Variants in DLG2 observed in about 807,000 individuals in gnomAD.
DLG2 encodes discs large MAGUK scaffold protein 2, also known as disks large homolog 2.
A neutral mutation model predicts 132.5 loss-of-function variants in DLG2; 45 were observed. The observed-to-expected ratio is 0.34, with a 90% CI of 0.27 to 0.44. The LOEUF (loss-of-function observed/expected upper bound fraction) is 0.44, where lower values mean the gene tolerates loss of function less well. DLG2 is among the 20% of genes least tolerant of loss of function. The pLI, the probability that DLG2 is intolerant of heterozygous loss-of-function variation, is 1.00. For synonymous variants in DLG2, 424 were observed against 419.6 expected (o/e 1.01, Z -0.13); for missense variants, 1,045 against 1,196.9 (o/e 0.87, Z 1.87).
intron 8 of DLG2, among the ~76,000 whole-genome samples, chr11:84,196,312 C>G (rs1018579833): frequency 2.0e-5 from 3 of 151,998 alleles, no homozygotes; most frequent in Non-Finnish European, 2.9e-5. Context: ...ACTCAACAGA[C>G]AGAAAAGATT....
chr11:85,488,718 GA>G (rs1285789138), intron 3 of DLG2, among the ~76,000 whole-genome samples: 1 of 152,116 alleles, frequency 6.6e-6, no homozygotes, highest in East Asian at 1.9e-4. Context: ...AGTGCTGAAA[GA>G]AAACAACTGG....
chr11:83,502,091 CA>C (rs2094472774), intron 21 of DLG2, among the ~76,000 whole-genome samples: 1 of 152,204 alleles, frequency 6.6e-6, no homozygotes, highest in African/African-American at 2.4e-5. Flanking sequence ...AATGCTTACT[CA>C]TATAGCGGAT....
intron 6 of DLG2, among the ~76,000 whole-genome samples, chr11:85,076,635 C>T (rs182590124): frequency 1.1e-4 from 17 of 152,128 alleles, no homozygotes. Context: ...ACTAGTCATA[C>T]TCTGGCACAC....
At position 84,346,812 on chromosome 11, in the gene DLG2, G is replaced by A. The variant is rs774143198; in HGVS notation, c.520-95521C>T. Reference sequence around the variant, plus strand: ...AGGATGGTCTCAATCTCCTGACCTCGTGATCCACTGTCCTTGGCCTCCCAA... The same window carrying A: ...AGGATGGTCTCAATCTCCTGACCTCATGATCCACTGTCCTTGGCCTCCCAA... On this transcript the variant is annotated intron_variant, in intron 7 of 27. Transcript: ENST00000376104. 5.9e-5 allele frequency among the ~76,000 whole-genome samples: 9 copies of A among 152,156 alleles called. No homozygotes were observed. In the South Asian group the frequency reaches 1.0e-3, roughly 18 times the overall value.
chr11:85,416,840 C>T (rs1048993067), intron 3 of DLG2, among the ~76,000 whole-genome samples: 2 of 152,056 alleles, frequency 1.3e-5, no homozygotes, highest in African/African-American at 4.8e-5. Flanking sequence ...AAGAGCTTTT[C>T]GGCTGAGATG....
chr11:83,520,050 C>T (rs2095423843), intron 21 of DLG2, among the ~76,000 whole-genome samples: 1 of 152,174 alleles, frequency 6.6e-6, no homozygotes, highest in Admixed American at 6.5e-5. Context: ...AAAATGGTGG[C>T]TTCTTAGGGC....
At chr11:85,615,703 ATTACT>A (rs370395383) in intron 2 of DLG2, among the ~76,000 whole-genome samples, 166 of 152,338 alleles carry the variant, frequency 1.1e-3, no homozygotes, top group African/African-American at 3.8e-3. Flanking sequence ...TGATTTACAA[ATTACT>A]TTAGCATCTT....
chr11:84,876,376 A>C (rs1404948522), intron 6 of DLG2, among the ~76,000 whole-genome samples: 1 of 152,108 alleles, frequency 6.6e-6, no homozygotes, highest in East Asian at 1.9e-4. Context: ...TTATTGGTCT[A>C]CTCAGGGATT....
chr11:83,530,981 C>A (rs957367570), intron 21 of DLG2, among the ~76,000 whole-genome samples: 7 of 151,786 alleles, frequency 4.6e-5, no homozygotes. Context: ...GAAATCAGAA[C>A]CCTAACTCAT....
At chr11:85,463,411 G>C (rs911523831) in intron 3 of DLG2, among the ~76,000 whole-genome samples, 7 of 152,116 alleles carry the variant, frequency 4.6e-5, no homozygotes, top group Non-Finnish European at 5.9e-5. Flanking sequence ...TTCACAATAG[G>C]TTAGTACACC....
intron 18 of DLG2, among the ~76,000 whole-genome samples, chr11:83,769,441 T>C (rs57450388): frequency 0.28 from 42,301 of 151,826 alleles, 9,624 homozygotes; most frequent in African/African-American, 0.63. Context: ...GAAGTACAAG[T>C]CTGAGGGAGA....
chr11:84,336,394 T>G (rs988237752), intron 7 of DLG2, among the ~76,000 whole-genome samples: 1 of 152,180 alleles, frequency 6.6e-6, no homozygotes, highest in Admixed American at 6.5e-5. Context: ...TCCCAACCAT[T>G]TTCAATGCTC....
chr11:84,941,190 A>G (rs1396199725), intron 6 of DLG2, among the ~76,000 whole-genome samples: 1 of 152,180 alleles, frequency 6.6e-6, no homozygotes, highest in Non-Finnish European at 1.5e-5. Context: ...TTTTTCTCAG[A>G]ATTGCTTTAA....
chr11:84,372,730 A>G (rs1350591279), intron 7 of DLG2, among the ~76,000 whole-genome samples: 1 of 152,190 alleles, frequency 6.6e-6, no homozygotes, highest in African/African-American at 2.4e-5. Context: ...TCGGGAATCT[A>G]TTCCTTCTTA....
At chr11:84,198,901 A>G (rs962792382) in intron 8 of DLG2, among the ~76,000 whole-genome samples, 5 of 152,150 alleles carry the variant, frequency 3.3e-5, no homozygotes, top group Admixed American at 3.3e-4. Flanking sequence ...TCAGGGGCAA[A>G]TGGTGCAGGT....
intron 15 of DLG2, among the ~76,000 whole-genome samples, chr11:83,925,869 G>A (rs2078881449): frequency 1.3e-5 from 2 of 151,958 alleles, no homozygotes; most frequent in South Asian, 4.1e-4. Flanking sequence ...CTCTCCCAAA[G>A]TAGAAAAACC....
chr11:85,034,467 C>T (rs550970), intron 6 of DLG2, among the ~76,000 whole-genome samples: 57,905 of 151,940 alleles, frequency 0.38, 11,184 homozygotes, highest in South Asian at 0.56. Flanking sequence ...TAGAGCCTGA[C>T]TACCAAATAA....
intron 5 of DLG2, among the ~76,000 whole-genome samples, chr11:85,115,025 C>G (rs1286295843): frequency 1.3e-5 from 2 of 151,848 alleles, no homozygotes; most frequent in African/African-American, 2.4e-5. Context: ...AGAGTAAGAG[C>G]TGAAAGGTTC....
At chr11:85,607,432 C>A (rs550145758) in intron 2 of DLG2, among the ~76,000 whole-genome samples, 3 of 152,212 alleles carry the variant, frequency 2.0e-5, no homozygotes, top group Non-Finnish European at 1.5e-5. Flanking sequence ...GTCGCCCAAG[C>A]AAGACTCATC....
Sources: allele counts gnomAD v4.1 joint callset (sites outside exome capture counted in the v4.1 genomes callset), GRCh38; gene constraint gnomAD v4.1.1; transcripts MANE v1.5; gene names NCBI Gene and HGNC (gene_info 2026-07-23, HGNC 2026-07-21).